The following ABCC4 variants were observed in gnomAD, a reference collection of about 807,000 sequenced individuals.
ABCC4 encodes ATP binding cassette subfamily C member 4 (PEL blood group), also known as ATP-binding cassette sub-family C member 4.
A neutral mutation model predicts 168.5 loss-of-function variants in ABCC4; 102 were observed. That is an observed-to-expected ratio of 0.61 (90% CI 0.52 to 0.71). The LOEUF is 0.71. Among genes scored for constraint, ABCC4 ranks in the 30% least tolerant of loss-of-function variants. ABCC4 has a pLI of 0.00. For synonymous variants in ABCC4, 617 were observed against 590.7 expected (o/e 1.04, Z -0.65); for missense variants, 1,402 against 1,605.8 (o/e 0.87, Z 2.17).
At chr13:95,299,212 A>C (rs1195464877) in intron 1 of ABCC4, among the ~76,000 whole-genome samples, 3 of 149,474 alleles carry the variant, frequency 2.0e-5, no homozygotes, top group Non-Finnish European at 3.0e-5. Context: ...CAAGCTATGA[A>C]TGTGTCACTG....
chr13:95,294,390 T>C (rs2041474817), intron 1 of ABCC4, among the ~76,000 whole-genome samples: 1 of 151,886 alleles, frequency 6.6e-6, no homozygotes, highest in East Asian at 1.9e-4. Context: ...ACCAAGACCA[T>C]GCCTATTGTC....
At chr13:95,032,350 CATT>C (rs2031913940) in intron 30 of ABCC4, among the ~76,000 whole-genome samples, 1 of 152,208 alleles carries the variant, frequency 6.6e-6, no homozygotes, top group African/African-American at 2.4e-5. Context: ...TCATCATCAT[CATT>C]GCCATCAGGG....
At chr13:95,133,310 C>G (rs2036038368) in intron 19 of ABCC4, among the ~76,000 whole-genome samples, 1 of 151,904 alleles carries the variant, frequency 6.6e-6, no homozygotes, top group Admixed American at 6.6e-5. Flanking sequence ...GATGGGGTTT[C>G]ACCATGTTGG....
chr13:95,186,298 G>C (rs1043445927), intron 11 of ABCC4, among the ~76,000 whole-genome samples: 3 of 152,122 alleles, frequency 2.0e-5, no homozygotes, highest in Admixed American at 1.3e-4. Context: ...ATCTGGGTTG[G>C]GGGTGGAGCT....
At chr13:95,201,563 T>G (rs1470332466) in intron 8 of ABCC4, among the ~76,000 whole-genome samples, 1 of 152,218 alleles carries the variant, frequency 6.6e-6, no homozygotes, top group Non-Finnish European at 1.5e-5. Flanking sequence ...GTCTGCCTTT[T>G]GTAAGTTTAG....
In ABCC4 at chr13:95,218,925, AAGAGAAAGAAAG is replaced by A. The variant is rs2039210432; in HGVS notation, c.532-8156_532-8145del. On this transcript the variant is annotated intron_variant, in intron 4 of 30. Coordinates refer to ENST00000645237, the MANE Select transcript of ABCC4 (RefSeq NM_005845.5). ...AGAGAAAGAGAGAGAGAGAGAAAGAAAGAGAAAGAAAGAAAGAAAGAAAGAAAGAAAGAAAGA... is the reference window on the plus strand; with the variant it reads ...AGAGAAAGAGAGAGAGAGAGAAAGAAAAAGAAAGAAAGAAAGAAAGAAAGA... 2.1e-5 allele frequency among the ~76,000 whole-genome samples: 2 copies of A among 94,738 alleles called. 1 individual carries two copies. The highest frequency in any genetic ancestry group is 9.7e-5 in the African/African-American group (2 of 20,694). 62.2% of individuals were successfully genotyped at this position (94,738 alleles called of 152,430 possible).
chr13:95,203,470 C>A (rs556140469), intron 8 of ABCC4, among the ~76,000 whole-genome samples: 1 of 151,682 alleles, frequency 6.6e-6, no homozygotes, highest in Non-Finnish European at 1.5e-5. Context: ...GCTGGGATTA[C>A]AGGCGTGTAG....
At chr13:95,098,320 T>C (rs1336241732) in intron 20 of ABCC4, among the ~76,000 whole-genome samples, 1 of 151,900 alleles carries the variant, frequency 6.6e-6, no homozygotes, top group Non-Finnish European at 1.5e-5. Flanking sequence ...AAGAAAAAGA[T>C]AAATTAAATC....
chr13:95,132,302 G>A lies in ABCC4; in HGVS notation c.2456-16301C>T, dbSNP rs111231454. 7.0e-3 allele frequency among the ~76,000 whole-genome samples: 1,066 copies of A among 152,098 alleles called. 9 individuals carry two copies. Among genetic ancestry groups the A allele is most frequent in the African/African-American group, 0.024 (997 of 41,494 alleles). ...GTGATCTCGGCTCACTGCAACTTCCGCCTCCTGGGTTCAAGTGATTCTCCT... is the reference window on the plus strand; with the variant it reads ...GTGATCTCGGCTCACTGCAACTTCCACCTCCTGGGTTCAAGTGATTCTCCT... On this transcript the variant is annotated intron_variant, in intron 19 of 30. Coordinates refer to ENST00000645237, the MANE Select transcript of ABCC4 (RefSeq NM_005845.5).
intron 9 of ABCC4, 75 bp from the exon 10 acceptor site, chr13:95,188,617 A>C: frequency 8.3e-7 from 1 of 1,208,138 alleles, no homozygotes; most frequent in Non-Finnish European, 1.2e-6. Flanking sequence ...GAAGAAAACA[A>C]TACAACAGTC....
chr13:95,032,965 C>CTTTTTTTT (rs74329595), intron 30 of ABCC4, among the ~76,000 whole-genome samples: 12 of 86,258 alleles, frequency 1.4e-4, no homozygotes, highest in South Asian at 3.9e-4. Flanking sequence ...CACGCCTGGT[C>CTTTTTTTT]TTTTTTTTTT....
intron 9 of ABCC4, 24 bp from the exon 10 acceptor site, chr13:95,188,566 G>A (rs192710505): frequency 1.3e-6 from 2 of 1,571,342 alleles, no homozygotes; most frequent in Admixed American, 1.7e-5. Flanking sequence ...TTTATAAAAT[G>A]TGCCCATTTC....
intron 20 of ABCC4, among the ~76,000 whole-genome samples, chr13:95,108,655 T>TA (rs2035093950): frequency 1.3e-5 from 2 of 151,026 alleles, no homozygotes; most frequent in African/African-American, 4.9e-5. Flanking sequence ...TTTTTTTTTT[T>TA]ATTTTATTTT....
At chr13:95,051,890 C>T (rs1239619768) in intron 27 of ABCC4, among the ~76,000 whole-genome samples, 1 of 152,202 alleles carries the variant, frequency 6.6e-6, no homozygotes, top group Non-Finnish European at 1.5e-5. Context: ...TGGTCTGGAA[C>T]TCCTGACCTC....
chr13:95,275,223 G>A (rs1441694142), intron 1 of ABCC4, among the ~76,000 whole-genome samples: 1 of 152,198 alleles, frequency 6.6e-6, no homozygotes, highest in African/African-American at 2.4e-5. Flanking sequence ...TGGAGAGGAA[G>A]GGCAATTTGG....
At chr13:95,096,471 T>C (rs2698243) in intron 20 of ABCC4, among the ~76,000 whole-genome samples, 68,946 of 151,866 alleles carry the variant, frequency 0.45, 17,324 homozygotes, top group South Asian at 0.69. Flanking sequence ...TACCAACCCA[T>C]ATATTGAAGC....
intron 20 of ABCC4, among the ~76,000 whole-genome samples, chr13:95,115,562 G>A (rs987088825): frequency 1.0e-4 from 15 of 149,670 alleles, no homozygotes; most frequent in Admixed American, 7.3e-4. Context: ...GCATAATTTA[G>A]TTAATCTAGG....
chr13:95,301,173 G>T lies in ABCC4; in HGVS notation c.74+68C>A, dbSNP rs575090168. ...AGAGGGCTTGGGCAGCATCGGGCGCGGCCCCGGGAGAGTGCGTCCGCGGCG... is the reference window on the plus strand; with the variant it reads ...AGAGGGCTTGGGCAGCATCGGGCGCTGCCCCGGGAGAGTGCGTCCGCGGCG... On this transcript the variant is annotated intron_variant, in intron 1 of 30. Transcript: ENST00000645237. 11 of 1,440,572 alleles carry T rather than the reference G, an allele frequency of 7.6e-6. No individual in the cohort carries two copies. In the African/African-American group the frequency reaches 1.3e-4, roughly 17 times the overall value. The allele number at this position is 1,440,572 out of a possible 1,614,324, so 89.2% of individuals were successfully genotyped here. A position where few individuals can be genotyped will look rare whatever the true frequency, so the allele number is the denominator to read the frequency against.
intron 30 of ABCC4, among the ~76,000 whole-genome samples, chr13:95,033,659 C>A (rs1285218200): frequency 7.1e-6 from 1 of 140,788 alleles, no homozygotes; most frequent in Admixed American, 7.8e-5. Context: ...ATGGCAATTA[C>A]ATCTTTTTTT....
Sources: allele counts gnomAD v4.1 joint callset (sites outside exome capture counted in the v4.1 genomes callset), GRCh38; gene constraint gnomAD v4.1.1; transcripts MANE v1.5; gene names NCBI Gene and HGNC (gene_info 2026-07-23, HGNC 2026-07-21).